SDK1: variants seen among roughly 807,000 people sequenced by gnomAD.
The protein encoded by SDK1 is sidekick cell adhesion molecule 1.
In SDK1, 157 loss-of-function variants were observed where a neutral mutation model predicts 245.5. That is an observed-to-expected ratio of 0.64 (90% CI 0.56 to 0.73). The LOEUF is 0.73. Ranked by LOEUF, SDK1 falls within the 30% of genes least tolerant of loss-of-function variation. The pLI is 0.00. For synonymous variants in SDK1, 1,647 were observed against 1,278.5 expected (o/e 1.29, Z -6.15); for missense variants, 3,583 against 3,002.3 (o/e 1.19, Z -4.52).
chr7:3,516,620 A>G (rs1031586185), intron 1 of SDK1, among the ~76,000 whole-genome samples: 21 of 152,174 alleles, frequency 1.4e-4, no homozygotes, highest in South Asian at 1.2e-3. Flanking sequence ...TACTAACAGT[A>G]TTTTCACAAA....
intron 1 of SDK1, among the ~76,000 whole-genome samples, chr7:3,458,318 A>G (rs745630809): frequency 6.6e-6 from 1 of 152,136 alleles, no homozygotes; most frequent in Non-Finnish European, 1.5e-5. Flanking sequence ...CATTTAGGAT[A>G]TAAGCTCTAA....
chr7:3,440,340 T>G (rs116151414), intron 1 of SDK1, among the ~76,000 whole-genome samples: 1,631 of 152,258 alleles, frequency 0.011, 40 homozygotes, highest in African/African-American at 0.038. Flanking sequence ...TTCTGATTGG[T>G]TGGTGCAGGC....
chr7:3,705,461 ATTTTATTTTATTTTATTTTAT>A (rs1784857654), intron 4 of SDK1, among the ~76,000 whole-genome samples: 1 of 130,754 alleles, frequency 7.6e-6, no homozygotes, highest in African/African-American at 3.8e-5. Context: ...ATTTTATTTT[ATTTTATTTTATTTTATTTTAT>A]TTTATTTTAT....
intron 1 of SDK1, among the ~76,000 whole-genome samples, chr7:3,350,727 G>A (rs1428880081): frequency 6.6e-6 from 1 of 152,118 alleles, no homozygotes; most frequent in Admixed American, 6.6e-5. Flanking sequence ...AGTCACCAAT[G>A]TCATATTTAC....
intron 1 of SDK1, among the ~76,000 whole-genome samples, chr7:3,452,899 C>T (rs953700313): frequency 6.6e-6 from 1 of 152,128 alleles, no homozygotes; most frequent in Non-Finnish European, 1.5e-5. Context: ...TTTTATTTTT[C>T]ACCACAGAAC....
intron 1 of SDK1, among the ~76,000 whole-genome samples, chr7:3,481,442 T>C (rs1181030412): frequency 6.6e-6 from 1 of 152,226 alleles, no homozygotes; most frequent in Non-Finnish European, 1.5e-5. Context: ...CTCCTCTAGA[T>C]ATGCCCTCTA....
At position 4,110,750 on chromosome 7, in the gene SDK1, C is replaced by G. The variant is rs766584955; in HGVS notation, c.3412C>G (p.Leu1138Val). ...TGCCCAGATGCTGGAGATCCCAAAC[C>G]TCACACCCTACACTCACTACAGGTG... ...PDAQMLEIPN[L>V]TPYTHYRFRM... Residue 1138 changes from leucine to valine, a missense_variant, in exon 23 of 45, where the codon CTC (leucine) becomes GTC (valine). Coordinates refer to ENST00000404826, the MANE Select transcript of SDK1 (RefSeq NM_152744.4). The G allele has an allele frequency of 6.2e-7, 1 of 1,612,560 alleles. No homozygotes were observed. The highest frequency in any genetic ancestry group is 1.7e-5 in the Admixed American group (1 of 60,014).
At chr7:4,101,047 C>T (rs746391522) in intron 22 of SDK1, among the ~76,000 whole-genome samples, 1 of 152,190 alleles carries the variant, frequency 6.6e-6, no homozygotes, top group Non-Finnish European at 1.5e-5. Context: ...GTGCTCTCCG[C>T]ACTGGTTGCC....
At chr7:3,507,903 A>G (rs1357489440) in intron 1 of SDK1, among the ~76,000 whole-genome samples, 2 of 152,142 alleles carry the variant, frequency 1.3e-5, no homozygotes, top group Admixed American at 6.6e-5. Flanking sequence ...AGTGTTATTG[A>G]TGACTCCCCT....
At chr7:3,344,415 A>G (rs945812805) in intron 1 of SDK1, among the ~76,000 whole-genome samples, 3 of 152,186 alleles carry the variant, frequency 2.0e-5, no homozygotes, top group Non-Finnish European at 2.9e-5. Flanking sequence ...TTAGTTGTAT[A>G]AGAAAATTCC....
intron 22 of SDK1, among the ~76,000 whole-genome samples, chr7:4,080,555 A>C (rs1447104894): frequency 2.0e-5 from 3 of 152,344 alleles, no homozygotes; most frequent in East Asian, 3.9e-4. Flanking sequence ...CAAAAGTTTC[A>C]TTAAGCAAAC....
chr7:3,713,270 G>C (rs959862207), intron 4 of SDK1, among the ~76,000 whole-genome samples: 1 of 152,198 alleles, frequency 6.6e-6, no homozygotes, highest in African/African-American at 2.4e-5. Context: ...CTTCCAAGTC[G>C]TCTGGGAGCT....
chr7:3,978,774 T>G (rs952997673), intron 13 of SDK1, among the ~76,000 whole-genome samples: 14 of 152,214 alleles, frequency 9.2e-5, no homozygotes, highest in Non-Finnish European at 1.6e-4. Context: ...AAATCTCATA[T>G]TGCCAAAGGG....
intron 19 of SDK1, among the ~76,000 whole-genome samples, chr7:4,062,147 A>T (rs900332866): frequency 6.6e-6 from 1 of 152,112 alleles, no homozygotes; most frequent in Non-Finnish European, 1.5e-5. Flanking sequence ...ATAATAATAA[A>T]AACAATACAA....
In SDK1 at chr7:4,205,902, G is replaced by T. The variant is rs760937403; in HGVS notation, c.5122G>T (p.Val1708Leu). The change falls in exon 36 of 45, where the codon GTG becomes TTG. Residue 1708 changes from valine (V) to leucine (L), a missense_variant. Physicochemically the swap from Val to Leu is conservative, Grantham distance 32 (BLOSUM62 1). Coordinates refer to ENST00000404826, the MANE Select transcript of SDK1 (RefSeq NM_152744.4). ...AGCCCCGGCCATGGCCCCGCAGAAC[G>T]TGCAGGTGACCCCACTCACGGCCAG... is the stretch of plus-strand genomic sequence containing the variant. ...EAAPAMAPQN[V>L]QVTPLTASQL... The T allele has an allele frequency of 2.2e-5, 34 of 1,556,494 alleles. No individual in the cohort carries two copies. The highest frequency in any genetic ancestry group is 3.3e-4 in the Middle Eastern group (2 of 6,014).
rs1159858458 is a variant in SDK1, at chr7:3,985,358, A to T, written c.1995-1828A>T. On this transcript the variant is annotated intron_variant, in intron 13 of 44. Transcript: ENST00000404826. The stretch of plus-strand genomic sequence containing the variant: ...CTTTTCAGGTGGGACTTTTTCAACA[A>T]CTTTGGTTTGGTTTCAGACCACACC... 3.9e-5 allele frequency among the ~76,000 whole-genome samples: 6 copies of T among 152,336 alleles called. 1 individual carries two copies. The South Asian group carries it at 8.3e-4, about 21-fold the overall frequency.
At chr7:3,311,586 G>T (rs1779551438) in intron 1 of SDK1, among the ~76,000 whole-genome samples, 1 of 151,976 alleles carries the variant, frequency 6.6e-6, no homozygotes, top group Non-Finnish European at 1.5e-5. Flanking sequence ...TATTGAGGCT[G>T]GGAAAAAAAA....
intron 1 of SDK1, among the ~76,000 whole-genome samples, chr7:3,485,249 C>G (rs1781648486): frequency 6.6e-6 from 1 of 152,146 alleles, no homozygotes; most frequent in Non-Finnish European, 1.5e-5. Context: ...TTCTTAATGA[C>G]TAGTGATATT....
intron 4 of SDK1, among the ~76,000 whole-genome samples, chr7:3,792,758 C>G (rs1403456171): frequency 6.6e-6 from 1 of 151,952 alleles, no homozygotes; most frequent in Non-Finnish European, 1.5e-5. Context: ...TACCCCCTCC[C>G]CCTCCAGTCT....
Sources: gnomAD v4.1 joint callset for allele counts (sites outside exome capture counted in the v4.1 genomes callset) on GRCh38, gnomAD v4.1.1 for gene constraint, MANE v1.5 for transcripts, NCBI Gene and HGNC (gene_info 2026-07-23, HGNC 2026-07-21) for gene names.